FAM13C: variants seen among roughly 807,000 people sequenced by gnomAD.
The protein encoded by FAM13C is protein FAM13C.
Under a neutral mutation model 73.2 loss-of-function variants are expected in FAM13C, and 37 were observed. The ratio of observed to expected loss-of-function variants is 0.51; its 90% CI spans 0.39 to 0.67. The LOEUF (loss-of-function observed/expected upper bound fraction) is 0.67. FAM13C is among the 30% of genes least tolerant of loss of function. FAM13C has a pLI of 0.00. For missense variants in FAM13C, 589 were observed against 715.6 expected, an observed-to-expected ratio of 0.82 and a Z score of 2.02; for synonymous variants, 246 against 260.9, an observed-to-expected ratio of 0.94 and a Z score of 0.55.
intron 3 of FAM13C, among the ~76,000 whole-genome samples, chr10:59,334,809 G>A (rs559465975): frequency 1.5e-4 from 22 of 151,558 alleles, no homozygotes; most frequent in African/African-American, 5.3e-4. Context: ...GTTAAATGAC[G>A]AGTTAACAGG....
intron 6 of FAM13C, among the ~76,000 whole-genome samples, chr10:59,279,124 T>C (rs989040404): frequency 6.6e-6 from 1 of 152,266 alleles, no homozygotes; most frequent in Non-Finnish European, 1.5e-5. Context: ...AAAGTATTAC[T>C]GAACCTTCTT....
At chr10:59,321,492 T>C (rs961204100) in intron 4 of FAM13C, among the ~76,000 whole-genome samples, 4 of 136,186 alleles carry the variant, frequency 2.9e-5, no homozygotes, top group Non-Finnish European at 6.2e-5. Context: ...ACTTCTATCC[T>C]ACAGAACTAT....
At chr10:59,318,452 A>G (rs1337902040) in intron 4 of FAM13C, among the ~76,000 whole-genome samples, 3 of 152,026 alleles carry the variant, frequency 2.0e-5, no homozygotes, top group Non-Finnish European at 4.4e-5. Context: ...TCCCATGTCT[A>G]ATGTTTTAAA....
At chr10:59,308,431 A>G (rs867230765) in intron 4 of FAM13C, among the ~76,000 whole-genome samples, 9 of 150,894 alleles carry the variant, frequency 6.0e-5, no homozygotes, top group South Asian at 2.1e-4. Context: ...CACCTCCACA[A>G]TCACCATCAT....
At chr10:59,276,859 T>A in intron 6 of FAM13C, among the ~76,000 whole-genome samples, 1 of 152,218 alleles carries the variant, frequency 6.6e-6, no homozygotes, top group East Asian at 1.9e-4. Flanking sequence ...TTGCAATGGA[T>A]GCAAAGTTCA....
chr10:59,273,598 A>G (rs999079149), intron 6 of FAM13C, among the ~76,000 whole-genome samples: 5 of 152,136 alleles, frequency 3.3e-5, no homozygotes, highest in Admixed American at 6.6e-5. Flanking sequence ...GGCTGGTAGT[A>G]ATATGCTCTT....
intron 13 of FAM13C, among the ~76,000 whole-genome samples, chr10:59,250,108 T>A (rs983846035): frequency 3.3e-5 from 5 of 152,206 alleles, no homozygotes; most frequent in Admixed American, 6.5e-5. Context: ...GAATATGTGA[T>A]AACATCTCCA....
chr10:59,332,357 T>C (rs1852111485), intron 3 of FAM13C, among the ~76,000 whole-genome samples: 1 of 152,068 alleles, frequency 6.6e-6, no homozygotes, highest in African/African-American at 2.4e-5. Flanking sequence ...GCTTTTATAA[T>C]CTAAAATAAG....
In FAM13C at chr10:59,358,702, TC is replaced by T. The variant is rs570108960; in HGVS notation, c.63-2760del. Among the ~76,000 whole-genome samples the T allele has an allele frequency of 3.3e-3, 500 of 152,324 alleles. 3 individuals are homozygous for T. The highest frequency in any genetic ancestry group is 0.011 in the African/African-American group (459 of 41,572). On this transcript the variant is annotated intron_variant, in intron 1 of 13. Coordinates refer to ENST00000618804, the MANE Select transcript of FAM13C (RefSeq NM_198215.4). ...TTTGGCAAGAACTTATTTTTCCCCC[TC>T]ATTTGATTTATTAATCTTTCTCCTC...
At chr10:59,268,286 GA>G (rs1237426327) in intron 8 of FAM13C, among the ~76,000 whole-genome samples, 24 of 149,994 alleles carry the variant, frequency 1.6e-4, no homozygotes, top group East Asian at 5.8e-4. Context: ...TTGTTCCTCA[GA>G]AAAAAAAAGG....
At chr10:59,290,081 T>A (rs114771792) in intron 5 of FAM13C, among the ~76,000 whole-genome samples, 1,660 of 152,266 alleles carry the variant, frequency 0.011, 11 homozygotes, top group Admixed American at 0.036. Flanking sequence ...GTAGGTGTGG[T>A]TTTCTTTAAA....
In FAM13C at chr10:59,318,167, G is replaced by T. The variant is rs374318684; in HGVS notation, c.443+5821C>A. Among the ~76,000 whole-genome samples the T allele has an allele frequency of 3.3e-5, 5 of 150,412 alleles. No homozygotes were observed. In the East Asian group the frequency reaches 5.8e-4, roughly 17 times the overall value. On this transcript the variant is annotated intron_variant, in intron 4 of 13. Transcript: ENST00000618804. ...TTGATTATTAGTAGTAGTGGTAGTAGTAGCATTTTGAATGAGAGAATGTTT... is the reference window on the plus strand; with the variant it reads ...TTGATTATTAGTAGTAGTGGTAGTATTAGCATTTTGAATGAGAGAATGTTT...
intron 3 of FAM13C, among the ~76,000 whole-genome samples, chr10:59,334,688 T>G (rs553472458): frequency 7.0e-6 from 1 of 143,306 alleles, no homozygotes; most frequent in South Asian, 2.2e-4. Flanking sequence ...ATGTTCTTAC[T>G]CATAGGTGGG....
chr10:59,269,754 T>C, intron 7 of FAM13C, 145 bp downstream of exon 7: 1 of 953,502 alleles, frequency 1.0e-6, no homozygotes, highest in Non-Finnish European at 1.6e-6. Context: ...GCAAGTACAC[T>C]AATTTTTGTC....
chr10:59,348,113 G>A (rs960142543), intron 3 of FAM13C, among the ~76,000 whole-genome samples: 1 of 152,290 alleles, frequency 6.6e-6, no homozygotes, highest in Admixed American at 6.5e-5. Flanking sequence ...CCCCAATATG[G>A]CAGTAGCGCA....
Position 59,352,257 on chromosome 10 carries a change from A to T in FAM13C, c.324+13T>A. On this transcript the variant is annotated intron_variant, in intron 3 of 13. Transcript: ENST00000618804. ...CCCGTCTTGGCAAAAGCCTGAGAAG[A>T]GAGAGCTGCTACCTGACTTTCTCCG... 6.2e-7 allele frequency: 1 copy of T among 1,613,106 alleles called. No individual in the cohort carries two copies. Among genetic ancestry groups the T allele is most frequent in the South Asian group, 1.1e-5 (1 of 91,024 alleles).
chr10:59,313,798 G>T (rs1849218253), intron 4 of FAM13C, among the ~76,000 whole-genome samples: 1 of 152,128 alleles, frequency 6.6e-6, no homozygotes, highest in Non-Finnish European at 1.5e-5. Flanking sequence ...AGCTTGTAAA[G>T]GACCAGGTAC....
At chr10:59,349,497 G>A (rs1854741314) in intron 3 of FAM13C, among the ~76,000 whole-genome samples, 1 of 152,154 alleles carries the variant, frequency 6.6e-6, no homozygotes, top group East Asian at 1.9e-4. Flanking sequence ...GAGGCTGGGT[G>A]TAGTGGCTCA....
intron 1 of FAM13C, among the ~76,000 whole-genome samples, chr10:59,360,488 CTA>C (rs1856259795): frequency 6.6e-6 from 1 of 152,068 alleles, no homozygotes; most frequent in Non-Finnish European, 1.5e-5. Context: ...TGAGAACCTG[CTA>C]TGTCTGTGTC....
Sources: allele counts gnomAD v4.1 joint callset (sites outside exome capture counted in the v4.1 genomes callset), GRCh38; gene constraint gnomAD v4.1.1; transcripts MANE v1.5; gene names NCBI Gene and HGNC (gene_info 2026-07-23, HGNC 2026-07-21).